GGT1: variants seen among roughly 807,000 people sequenced by gnomAD.
GGT1 encodes the protein glutathione hydrolase 1 proenzyme.
GGT1 carries 21 observed loss-of-function variants against 56.0 expected under a neutral mutation model. The ratio of observed to expected loss-of-function variants is 0.38; its 90% confidence interval spans 0.27 to 0.54. The LOEUF is 0.54. Among genes scored for constraint, GGT1 ranks in the 20% least tolerant of loss-of-function variants. GGT1 has a pLI of 0.82. For missense variants in GGT1, 466 were observed against 787.0 expected (o/e 0.59, Z 4.88); for synonymous variants, 238 against 342.6 (o/e 0.69, Z 3.37).
intron 7 of GGT1, among the ~76,000 whole-genome samples, chr22:24,619,555 T>C (rs2047281398): frequency 6.7e-6 from 1 of 150,174 alleles, no homozygotes; most frequent in Admixed American, 6.7e-5. Context: ...GACAACAGAA[T>C]GAGACCCTGT....
chr22:24,616,735 C>T (rs145986285), intron 7 of GGT1, among the ~76,000 whole-genome samples: 5,071 of 151,620 alleles, frequency 0.033, 280 homozygotes, highest in African/African-American at 0.11. Context: ...TTAGTAGAGA[C>T]GGGTTTTCAC....
chr22:24,607,483 C>A (rs1007781964), intron 1 of GGT1: 3 of 152,838 alleles, frequency 2.0e-5, no homozygotes, highest in Admixed American at 2.0e-4. Flanking sequence ...AGGAAGGAAA[C>A]CCTTTCCCCG....
At chr22:24,606,862 G>C in intron 1 of GGT1, among the ~76,000 whole-genome samples, 1 of 151,760 alleles carries the variant, frequency 6.6e-6, no homozygotes, top group Non-Finnish European at 1.5e-5. Context: ...TCAGGTGGAG[G>C]CTGCAGGGGC....
intron 9 of GGT1, among the ~76,000 whole-genome samples, chr22:24,622,211 T>A (rs2047461135): frequency 1.6e-5 from 1 of 61,294 alleles, no homozygotes; most frequent in Non-Finnish European, 3.1e-5. Flanking sequence ...TACATAAATA[T>A]AGTGGGGGTG....
intron 5 of GGT1, among the ~76,000 whole-genome samples, chr22:24,614,348 CAAAAAAAAAAAAA>C (rs534749815): frequency 2.8e-4 from 3 of 10,748 alleles, no homozygotes; most frequent in South Asian, 3.6e-3. Context: ...GACTTTGTCT[CAAAAAAAAAAAAA>C]AAAAAAAAAA....
chr22:24,589,315 G>A, the GGT1 span: 1 of 1,188,942 alleles, frequency 8.4e-7, no homozygotes, highest in Non-Finnish European at 1.1e-6. Flanking sequence ...CAAGGAGGAG[G>A]GCCTTGCTTA....
rs748770075 is a variant in GGT1, at chr22:24,620,531, G to T, written c.575+11G>T. On this transcript the variant is annotated intron_variant, in intron 8 of 15. Coordinates refer to ENST00000400382, the MANE Select transcript of GGT1 (RefSeq NM_001288833.2). This position sits in a 1 kb window ranked among gnomAD's most constrained non-coding sequence, Gnocchi z 5.6. ...GCAGCCTGTCTTGTGGTATGTCTGT[G>T]GGTGCGGCCCCCTGACACAGGCAGG... The T allele has an allele frequency of 1.8e-5, 29 of 1,611,208 alleles. No individual in the cohort carries two copies. Among genetic ancestry groups the T allele is most frequent in the Non-Finnish European group, 2.4e-5 (28 of 1,179,764 alleles).
chr22:24,592,826 G>A, upstream of GGT1: 7 of 1,271,208 alleles, frequency 5.5e-6, no homozygotes, highest in Non-Finnish European at 6.0e-6. Flanking sequence ...GACCCTCCCT[G>A]GCCGCCAGCC....
At chr22:24,590,757 C>T (rs2045545787), upstream of GGT1, among the ~76,000 whole-genome samples, 1 of 152,146 alleles carries the variant, frequency 6.6e-6, no homozygotes, top group African/African-American at 2.4e-5. Context: ...TCAGATGTCT[C>T]AAAGGCATGC....
intron 5 of GGT1, among the ~76,000 whole-genome samples, chr22:24,612,203 G>A (rs1569055540): frequency 6.9e-6 from 1 of 144,872 alleles, no homozygotes; most frequent in Admixed American, 6.9e-5. Flanking sequence ...GCCTCCCAAA[G>A]TGTTGGGATT....
chr22:24,592,769 A>G, upstream of GGT1: 1 of 1,286,674 alleles, frequency 7.8e-7, no homozygotes, highest in Non-Finnish European at 9.9e-7. Context: ...CGGCGGATAC[A>G]GGCCCACAAC....
intron 1 of GGT1, among the ~76,000 whole-genome samples, chr22:24,605,848 TA>T (rs1228287899): frequency 2.7e-5 from 2 of 75,222 alleles, no homozygotes; most frequent in Non-Finnish European, 2.2e-5. Context: ...ATATATTATA[TA>T]ATATATGATG....
upstream of GGT1, among the ~76,000 whole-genome samples, chr22:24,590,382 G>T (rs6004189): frequency 0.25 from 37,571 of 152,092 alleles, 4,757 homozygotes; most frequent in Admixed American, 0.34. Context: ...TCCTCCCAAA[G>T]TGCTGGGATT....
chr22:24,619,814 G>A, intron 7 of GGT1, among the ~76,000 whole-genome samples: 1 of 151,024 alleles, frequency 6.6e-6, no homozygotes, highest in Non-Finnish European at 1.5e-5. Context: ...AGGCCTTGTG[G>A]TCAGTGAGAT....
chr22:24,628,037 G>A lies in GGT1; in HGVS notation c.1337-44G>A. The stretch of plus-strand genomic sequence containing the variant: ...GGGTGGAGAGGGGCGGGTGTCCTGG[G>A]CAGGCAGCTGACGGGCATCCCTGTC... On this transcript the variant is annotated intron_variant, in intron 13 of 15. Coordinates refer to ENST00000400382, the MANE Select transcript of GGT1 (RefSeq NM_001288833.2). The surrounding 1 kb of genome is among the most constrained non-coding windows in gnomAD (Gnocchi z 5.7). The A allele has an allele frequency of 6.2e-7, 1 of 1,611,264 alleles. No individual in the cohort carries two copies. The highest frequency in any genetic ancestry group is 2.3e-4 in the Middle Eastern group (1 of 4,440).
intron 7 of GGT1, among the ~76,000 whole-genome samples, 156 bp downstream of exon 7, chr22:24,615,283 G>T (rs1223330430): frequency 6.6e-6 from 1 of 152,128 alleles, no homozygotes; most frequent in Non-Finnish European, 1.5e-5. Flanking sequence ...ACAATGAGTG[G>T]TCAGGACCAT....
upstream of GGT1, chr22:24,593,272 G>T (rs2147180704): frequency 4.2e-6 from 1 of 238,962 alleles, no homozygotes; most frequent in Non-Finnish European, 6.9e-6. Flanking sequence ...GAACCCGAGG[G>T]CCTGGAGCCG....
intron 11 of GGT1, among the ~76,000 whole-genome samples, chr22:24,626,238 CTCCCAAAGTGCTGGGATTACAG>C: frequency 6.7e-6 from 1 of 149,298 alleles, no homozygotes; most frequent in Admixed American, 6.7e-5. Flanking sequence ...GTGATCCGCC[CTCCCAAAGTGCTGGGATTACAG>C]GCCTCGGCCT....
intron 7 of GGT1, among the ~76,000 whole-genome samples, chr22:24,619,989 T>TA (rs762277005): frequency 0.023 from 3,143 of 135,678 alleles, 109 homozygotes; most frequent in African/African-American, 0.08. Flanking sequence ...GAGCCCCTCC[T>TA]AAAAAAAAAA....
Sources: allele counts gnomAD v4.1 joint callset (sites outside exome capture counted in the v4.1 genomes callset), GRCh38; gene constraint gnomAD v4.1.1; non-coding constraint Gnocchi (gnomAD v3.1); transcripts MANE v1.5; gene names NCBI Gene and HGNC (gene_info 2026-07-23, HGNC 2026-07-21).